Variants in EGFLAM observed in about 807,000 individuals in gnomAD.
The protein encoded by EGFLAM is EGF like, fibronectin type III and laminin G domains.
Under a neutral mutation model 113.1 loss-of-function variants are expected in EGFLAM, and 79 were observed. That is an observed-to-expected ratio of 0.70 (90% CI 0.58 to 0.84). The LOEUF (loss-of-function observed/expected upper bound fraction) is 0.84, where lower values mean the gene tolerates loss of function less well. EGFLAM is among the 40% of genes least tolerant of loss of function. EGFLAM has a pLI of 0.00. For synonymous variants in EGFLAM, 504 were observed against 487.6 expected (o/e 1.03, Z -0.44); for missense variants, 1,265 against 1,291.6 (o/e 0.98, Z 0.32).
intron 1 of EGFLAM, among the ~76,000 whole-genome samples, chr5:38,261,138 G>A (rs1186747364): frequency 6.6e-6 from 1 of 152,096 alleles, no homozygotes; most frequent in East Asian, 1.9e-4. Context: ...AATCAACCTG[G>A]AAATTCCCCA....
At chr5:38,344,837 G>A (rs1356006077) in intron 3 of EGFLAM, among the ~76,000 whole-genome samples, 3 of 152,186 alleles carry the variant, frequency 2.0e-5, no homozygotes, top group Non-Finnish European at 4.4e-5. Flanking sequence ...TTCCTTTTAA[G>A]GGATATCTCA....
intron 1 of EGFLAM, among the ~76,000 whole-genome samples, chr5:38,293,611 G>T (rs899134810): frequency 6.6e-6 from 1 of 152,096 alleles, no homozygotes; most frequent in African/African-American, 2.4e-5. Context: ...CAAAGTATAT[G>T]GTTCTTCAAG....
At chr5:38,399,605 C>A (rs1479235915) in intron 6 of EGFLAM, among the ~76,000 whole-genome samples, 5 of 152,112 alleles carry the variant, frequency 3.3e-5, no homozygotes, top group Admixed American at 6.6e-5. Flanking sequence ...GATTAGCTTC[C>A]CTCCTTCAGA....
At chr5:38,371,945 TC>T (rs1229329467) in intron 6 of EGFLAM, among the ~76,000 whole-genome samples, 1 of 152,068 alleles carries the variant, frequency 6.6e-6, no homozygotes, top group African/African-American at 2.4e-5. Context: ...CCATCCACCC[TC>T]CCCATGGAAC....
intron 17 of EGFLAM, among the ~76,000 whole-genome samples, chr5:38,442,273 TTA>T (rs10566379): frequency 0.046 from 6,780 of 148,982 alleles, 465 homozygotes; most frequent in African/African-American, 0.16. Context: ...ATATTAAATG[TTA>T]TGTCATTTAT....
At chr5:38,334,226 T>C (rs1739126862) in intron 1 of EGFLAM, among the ~76,000 whole-genome samples, 1 of 152,108 alleles carries the variant, frequency 6.6e-6, no homozygotes, top group Non-Finnish European at 1.5e-5. Context: ...GCCCGGCCTG[T>C]TGAGTTTTAA....
At chr5:38,434,654 G>A (rs1742288674) in intron 15 of EGFLAM, among the ~76,000 whole-genome samples, 1 of 152,160 alleles carries the variant, frequency 6.6e-6, no homozygotes, top group Non-Finnish European at 1.5e-5. Context: ...TCTGAGATCT[G>A]GGCTGAAGGA....
intron 1 of EGFLAM, among the ~76,000 whole-genome samples, chr5:38,267,842 C>A (rs1375974801): frequency 6.6e-6 from 1 of 152,126 alleles, no homozygotes; most frequent in Non-Finnish European, 1.5e-5. Context: ...ATGATGTTAT[C>A]AGATATTCAC....
intron 16 of EGFLAM, among the ~76,000 whole-genome samples, chr5:38,437,564 A>AAAG (rs1313618613): frequency 6.6e-6 from 1 of 152,178 alleles, no homozygotes; most frequent in African/African-American, 2.4e-5. Flanking sequence ...AAAACTTTTT[A>AAAG]AAGTTACTGA....
intron 6 of EGFLAM, among the ~76,000 whole-genome samples, chr5:38,376,185 C>A (rs916220436): frequency 6.6e-6 from 1 of 152,264 alleles, no homozygotes; most frequent in East Asian, 1.9e-4. Context: ...CCACTGGCCA[C>A]CAACTACTGA....
At chr5:38,405,533 A>G (rs1208574459) in intron 6 of EGFLAM, among the ~76,000 whole-genome samples, 2 of 152,126 alleles carry the variant, frequency 1.3e-5, no homozygotes, top group African/African-American at 4.8e-5. Flanking sequence ...TTCCCCTACT[A>G]TATGGTACTC....
chr5:38,396,063 T>TTTTTTTTTTTTTTTTTTTTTTTTTTG (rs1482050151), intron 6 of EGFLAM, among the ~76,000 whole-genome samples: 6 of 152,056 alleles, frequency 3.9e-5, no homozygotes, highest in African/African-American at 1.2e-4. Flanking sequence ...ACCCACTCTT[T>TTTTTTTTTTTTTTTTTTTTTTTTTTG]AAAAGCCTCC....
At chr5:38,407,755 G>T in intron 8 of EGFLAM, 50 bp from the exon 9 acceptor site, 1 of 1,438,474 alleles carries the variant, frequency 7.0e-7, no homozygotes. Context: ...TTTTGCTTTT[G>T]AAGAAGTGAG....
At chr5:38,269,799 C>T (rs907606839) in intron 1 of EGFLAM, among the ~76,000 whole-genome samples, 3 of 152,168 alleles carry the variant, frequency 2.0e-5, no homozygotes, top group African/African-American at 7.2e-5. Context: ...TGAAACACTG[C>T]ACTTTTCAAA....
At chr5:38,382,873 A>G (rs1283036956) in intron 6 of EGFLAM, among the ~76,000 whole-genome samples, 2 of 152,150 alleles carry the variant, frequency 1.3e-5, no homozygotes, top group South Asian at 2.1e-4. Context: ...CATCTACCAT[A>G]TTTTAAAATG....
At chr5:38,367,023 T>C (rs2112026601) in intron 5 of EGFLAM, among the ~76,000 whole-genome samples, 1 of 152,300 alleles carries the variant, frequency 6.6e-6, no homozygotes, top group Non-Finnish European at 1.5e-5. Flanking sequence ...TGAATTCACC[T>C]GCCCAGCAAC....
intron 13 of EGFLAM, 122 bp downstream of exon 13, chr5:38,425,214 T>C: frequency 1.4e-6 from 2 of 1,434,188 alleles, no homozygotes; most frequent in African/African-American, 1.4e-5. Flanking sequence ...AGGCTCCCTC[T>C]CTTACCCAGG....
chr5:38,372,699 A>G (rs1740256544), intron 6 of EGFLAM, among the ~76,000 whole-genome samples: 1 of 152,250 alleles, frequency 6.6e-6, no homozygotes, highest in Admixed American at 6.5e-5. Context: ...ATTCTCAGTT[A>G]TGAAACATTC....
In EGFLAM at chr5:38,406,256, T is replaced by C; in HGVS notation, c.828+15T>C. On this transcript the variant is annotated intron_variant, in intron 7 of 21. Transcript: ENST00000322350. ...CCTTTGAGGAGGTAACAATAATCTC[T>C]GCTCTTAAAACCCAGGGTGTTTGTG... is the stretch of plus-strand genomic sequence containing the variant. 1 of 1,608,510 alleles carries C rather than the reference T, an allele frequency of 6.2e-7. No homozygotes were observed. Among genetic ancestry groups the C allele is most frequent in the African/African-American group, 1.3e-5 (1 of 74,958 alleles).
Sources: allele counts gnomAD v4.1 joint callset (sites outside exome capture counted in the v4.1 genomes callset), GRCh38; gene constraint gnomAD v4.1.1; transcripts MANE v1.5; gene names NCBI Gene and HGNC (gene_info 2026-07-23, HGNC 2026-07-21).